The following SCTR variants were observed in gnomAD, a reference collection of about 807,000 sequenced individuals.
SCTR encodes the protein pancreatic secretin receptor.
In SCTR, 56 loss-of-function variants were observed where a neutral mutation model predicts 60.8. That is an observed-to-expected ratio of 0.92 (90% CI 0.74 to 1.15). The LOEUF (loss-of-function observed/expected upper bound fraction) is 1.15, where lower values mean the gene tolerates loss of function less well. Ranked by LOEUF, SCTR falls within the 50% of genes most tolerant of loss-of-function variation. SCTR has a pLI of 0.00. For synonymous variants in SCTR, 202 were observed against 217.0 expected, an observed-to-expected ratio of 0.93 and a Z score of 0.61; for missense variants, 562 against 550.4, an observed-to-expected ratio of 1.02 and a Z score of -0.21.
intron 1 of SCTR, among the ~76,000 whole-genome samples, chr2:119,508,941 G>C (rs1018003883): frequency 9.2e-5 from 14 of 152,202 alleles, no homozygotes; most frequent in African/African-American, 2.9e-4. Context: ...TATACAGGAA[G>C]TAACTCAGAC....
chr2:119,499,975 A>G (rs2104914681), intron 1 of SCTR, among the ~76,000 whole-genome samples: 1 of 152,270 alleles, frequency 6.6e-6, no homozygotes, highest in East Asian at 1.9e-4. Flanking sequence ...ATACATATAC[A>G]TAAGACACTC....
chr2:119,508,612 T>A (rs1321923391), intron 1 of SCTR, among the ~76,000 whole-genome samples: 1 of 151,920 alleles, frequency 6.6e-6, no homozygotes, highest in Non-Finnish European at 1.5e-5. Flanking sequence ...GGTTTTGAAC[T>A]TATGAGGCTC....
intron 11 of SCTR, 32 bp from the exon 12 acceptor site, chr2:119,441,631 A>G: frequency 5.0e-6 from 8 of 1,607,552 alleles, no homozygotes; most frequent in Non-Finnish European, 6.8e-6. Flanking sequence ...CAGGGTTAGC[A>G]CAGGTGCTCA....
chr2:119,503,065 G>A lies in SCTR; in HGVS notation c.73-8517C>T, dbSNP rs189193555. On this transcript the variant is annotated intron_variant, in intron 1 of 12. Transcript: ENST00000019103. ...TCCCAGCTACTCGGGAGGTTGAGGC[G>A]GGAGAATGGTGTGAACCTGGGAAGC... is the stretch of plus-strand genomic sequence containing the variant. Among the ~76,000 whole-genome samples, 648 of 150,362 alleles carry A rather than the reference G, an allele frequency of 4.3e-3. 3 individuals carry two copies. The highest frequency in any genetic ancestry group is 7.2e-3 in the Non-Finnish European group (487 of 67,656).
chr2:119,499,462 T>G (rs977326382), intron 1 of SCTR, among the ~76,000 whole-genome samples: 1 of 152,066 alleles, frequency 6.6e-6, no homozygotes, highest in East Asian at 1.9e-4. Flanking sequence ...GATCATGTTG[T>G]GGGCCATAAA....
At chr2:119,477,679 G>A (rs1030483210) in intron 3 of SCTR, among the ~76,000 whole-genome samples, 4 of 152,146 alleles carry the variant, frequency 2.6e-5, no homozygotes, top group South Asian at 2.1e-4. Context: ...TCGAACTCCC[G>A]ACCTCAGGAG....
chr2:119,468,832 A>G (rs938417217), intron 4 of SCTR, among the ~76,000 whole-genome samples: 1 of 152,146 alleles, frequency 6.6e-6, no homozygotes, highest in Non-Finnish European at 1.5e-5. Flanking sequence ...ACATGAAAAA[A>G]CTGGGTCCAT....
chr2:119,454,135 C>T (rs754225922), intron 7 of SCTR, among the ~76,000 whole-genome samples: 36 of 152,110 alleles, frequency 2.4e-4, no homozygotes, highest in Non-Finnish European at 3.8e-4. Flanking sequence ...GCTGATGTCC[C>T]GAGCAGAGGA....
At chr2:119,441,626 T>A (rs780599195) in intron 11 of SCTR, 27 bp from the exon 12 acceptor site, 1 of 1,609,704 alleles carries the variant, frequency 6.2e-7, no homozygotes, top group Non-Finnish European at 8.5e-7. Flanking sequence ...GGTAGCAGGG[T>A]TAGCACAGGT....
At chr2:119,442,152 C>T (rs771646131) in intron 11 of SCTR, among the ~76,000 whole-genome samples, 20 of 152,220 alleles carry the variant, frequency 1.3e-4, no homozygotes, top group African/African-American at 3.6e-4. Flanking sequence ...GGTGCACCTC[C>T]GTGCTCAGAG....
At chr2:119,521,303 T>C (rs1174660040) in intron 1 of SCTR, among the ~76,000 whole-genome samples, 1 of 152,238 alleles carries the variant, frequency 6.6e-6, no homozygotes, top group Non-Finnish European at 1.5e-5. Flanking sequence ...TTCTTCCTTA[T>C]TTGTTGCTGC....
At chr2:119,467,383 A>C (rs1365139715) in intron 4 of SCTR, among the ~76,000 whole-genome samples, 1 of 152,186 alleles carries the variant, frequency 6.6e-6, no homozygotes. Context: ...AAAAAAAAAA[A>C]AAAATTGAAA....
intron 1 of SCTR, among the ~76,000 whole-genome samples, chr2:119,503,158 CAAAAA>C (rs61479294): frequency 2.9e-5 from 2 of 69,598 alleles, no homozygotes; most frequent in Admixed American, 3.4e-4. Flanking sequence ...GACTCCATCT[CAAAAA>C]AAAAAAAAAA....
At chr2:119,517,714 C>A (rs1170043091) in intron 1 of SCTR, among the ~76,000 whole-genome samples, 1 of 152,030 alleles carries the variant, frequency 6.6e-6, no homozygotes, top group Non-Finnish European at 1.5e-5. Flanking sequence ...GAAAAGTCAG[C>A]GGAGAGGAAG....
At position 119,440,148 on chromosome 2, in the gene SCTR, C is replaced by T; in HGVS notation, c.1292G>A (p.Ser431Asn). The T allele has an allele frequency of 6.2e-7, 1 of 1,614,034 alleles. No homozygotes were observed. Among genetic ancestry groups the T allele is most frequent in the Non-Finnish European group, 8.5e-7 (1 of 1,179,980 alleles). ...NSTKASHLEQ[S>N]QGTCRTSII ...GATGCTGGTCCTGCAGGTGCCCTGGCTCTGCTCCAAGTGGCTGGCCTTGGT... is the reference window on the plus strand; with the variant it reads ...GATGCTGGTCCTGCAGGTGCCCTGGTTCTGCTCCAAGTGGCTGGCCTTGGT... Residue 431 changes from serine to asparagine, a missense_variant, in exon 13 of 13, where the codon AGC becomes AAC. Ser to Asn is a conservative substitution (Grantham distance 46). Transcript: ENST00000019103.
At chr2:119,509,933 T>C (rs1324617718) in intron 1 of SCTR, among the ~76,000 whole-genome samples, 1 of 152,206 alleles carries the variant, frequency 6.6e-6, no homozygotes, top group Non-Finnish European at 1.5e-5. Flanking sequence ...CTCGCTTGTT[T>C]CGCTCAGCAC....
At chr2:119,502,964 A>G (rs980303781) in intron 1 of SCTR, among the ~76,000 whole-genome samples, 2 of 149,946 alleles carry the variant, frequency 1.3e-5, no homozygotes, top group African/African-American at 2.5e-5. Flanking sequence ...ATCCTGGCTA[A>G]CACAGTGGAA....
At chr2:119,523,314 A>C (rs1332802682) in intron 1 of SCTR, among the ~76,000 whole-genome samples, 1 of 151,736 alleles carries the variant, frequency 6.6e-6, no homozygotes, top group East Asian at 1.9e-4. Flanking sequence ...TCTCTTTATC[A>C]GAGATCCCGG....
chr2:119,446,847 AAG>A lies in SCTR; in HGVS notation c.1050_1051del (p.Phe351TrpfsTer22), dbSNP rs777251881. 5.7e-6 allele frequency: 9 copies of A among 1,578,800 alleles called. No individual in the cohort carries two copies. The highest frequency in any genetic ancestry group is 7.7e-6 in the Non-Finnish European group (9 of 1,161,726). On this transcript the variant is annotated frameshift_variant, in exon 11 of 13. Coordinates refer to ENST00000019103, the MANE Select transcript of SCTR (RefSeq NM_002980.3). LOFTEE classifies it high-confidence loss of function. ...GGCGAAGACGATGTAGTGGATGCCA[AAG>A]AGGGGGATCAGCAGGAGAGTGGACC...
Sources: allele counts gnomAD v4.1 joint callset (sites outside exome capture counted in the v4.1 genomes callset), GRCh38; gene constraint gnomAD v4.1.1; transcripts MANE v1.5; gene names NCBI Gene and HGNC (gene_info 2026-07-23, HGNC 2026-07-21).